Variants in PCDHGB1 observed in about 807,000 individuals in gnomAD.
PCDHGB1 encodes protocadherin gamma-B1.
A neutral mutation model predicts 56.6 loss-of-function variants in PCDHGB1; 34 were observed. The ratio of observed to expected loss-of-function variants is 0.60; its 90% CI spans 0.46 to 0.80. The LOEUF (loss-of-function observed/expected upper bound fraction) is 0.80, where lower values mean the gene tolerates loss of function less well. Ranked by LOEUF, PCDHGB1 falls within the 30% of genes least tolerant of loss-of-function variation. PCDHGB1 has a pLI of 0.00. For missense variants in PCDHGB1, 1,278 were observed against 1,204.6 expected, an observed-to-expected ratio of 1.06 and a Z score of -0.90; for synonymous variants, 561 against 505.9, an observed-to-expected ratio of 1.11 and a Z score of -1.46.
intron 1 of PCDHGB1, among the ~76,000 whole-genome samples, chr5:141,438,019 G>A (rs1031334687): frequency 1.3e-5 from 2 of 152,104 alleles, no homozygotes; most frequent in Non-Finnish European, 2.9e-5. Context: ...GAGATTACAG[G>A]TGTGAGCCAC....
rs1023591745 is a variant in PCDHGB1 at position 141,432,912 on chromosome 5, G to T, written c.2410-61895G>T. 2.5e-6 allele frequency: 4 copies of T among 1,614,160 alleles called. No individual in the cohort carries two copies. Among genetic ancestry groups the T allele is most frequent in the Non-Finnish European group, 3.4e-6 (4 of 1,180,012 alleles). On this transcript the variant is annotated intron_variant, in intron 1 of 3. Transcript: ENST00000523390. The surrounding 1 kb of genome is among the most constrained non-coding windows in gnomAD (Gnocchi z 6.0). Reference sequence around the variant, plus strand: ...TTGCTGCTGGCGCTCAGGCTGCGGCGCTGGCACAAGTCACGCCTGCTGCAG... The same window carrying T: ...TTGCTGCTGGCGCTCAGGCTGCGGCTCTGGCACAAGTCACGCCTGCTGCAG...
At chr5:141,376,032 GCCAGC>G in intron 1 of PCDHGB1, 1 of 1,613,116 alleles carries the variant, frequency 6.2e-7, no homozygotes, top group South Asian at 1.1e-5. Flanking sequence ...CAGGACCACG[GCCAGC>G]CCCCTCTCTC....
At chr5:141,460,034 C>T (rs1463167810) in intron 1 of PCDHGB1, among the ~76,000 whole-genome samples, 1 of 152,116 alleles carries the variant, frequency 6.6e-6, no homozygotes, top group African/African-American at 2.4e-5. Context: ...GCCGAGACTG[C>T]ACCACTGCAC....
chr5:141,364,326 A>G, intron 1 of PCDHGB1: 1 of 1,528,198 alleles, frequency 6.5e-7, no homozygotes, highest in Non-Finnish European at 8.8e-7. Context: ...GGCAGAGAGA[A>G]GGCAATGGCG....
At chr5:141,381,974 C>T (rs1049134937) in intron 1 of PCDHGB1, among the ~76,000 whole-genome samples, 18 of 151,606 alleles carry the variant, frequency 1.2e-4, no homozygotes, top group Admixed American at 5.9e-4. Flanking sequence ...GGATTACAGG[C>T]GCGCGCCACC....
At chr5:141,374,931 A>C in intron 1 of PCDHGB1, 1 of 1,614,022 alleles carries the variant, frequency 6.2e-7, no homozygotes, top group Non-Finnish European at 8.5e-7. Flanking sequence ...TCCTTTGTGA[A>C]GATTACAGAA....
At chr5:141,503,598 CAAAAAAA>C (rs765754054) in intron 2 of PCDHGB1, among the ~76,000 whole-genome samples, 8 of 65,766 alleles carry the variant, frequency 1.2e-4, no homozygotes, top group South Asian at 1.1e-3. Context: ...GACTCCAGCT[CAAAAAAA>C]AAAAAAAAAG....
Position 141,489,748 on chromosome 5 carries a change from T to G in PCDHGB1, c.2410-5059T>G. 6.2e-7 allele frequency: 1 copy of G among 1,614,156 alleles called. No homozygotes were observed. Among genetic ancestry groups the G allele is most frequent in the African/African-American group, 1.3e-5 (1 of 75,054 alleles). On this transcript the variant is annotated intron_variant, in intron 1 of 3. Transcript: ENST00000523390. This position sits in a 1 kb window ranked among gnomAD's most constrained non-coding sequence, Gnocchi z 4.5. ...TGTGGGCACCAATACTGTGAGCTTTTACACTCTAAGCCCCAACAGCCACTT... is the reference window on the plus strand; with the variant it reads ...TGTGGGCACCAATACTGTGAGCTTTGACACTCTAAGCCCCAACAGCCACTT...
chr5:141,408,201 C>T (rs1036342508), intron 1 of PCDHGB1: 4 of 1,548,914 alleles, frequency 2.6e-6, no homozygotes, highest in South Asian at 2.4e-5. Flanking sequence ...CCCGAGCGAA[C>T]GATGGGAGGG....
chr5:141,458,413 G>T lies in PCDHGB1; in HGVS notation c.2410-36394G>T, dbSNP rs138479316. On this transcript the variant is annotated intron_variant, in intron 1 of 3. Coordinates refer to ENST00000523390, the MANE Select transcript of PCDHGB1 (RefSeq NM_018922.3). ...TCCCCCTTGCAGAGACGGAGCGGGG[G>T]TTCCAAAGCTGAAAGAGGAGGTCCC... Among the ~76,000 whole-genome samples the T allele has an allele frequency of 9.0e-4, 137 of 152,196 alleles. 5 individuals carry two copies. The East Asian group carries it at 0.026, about 28-fold the overall frequency.
chr5:141,491,168 A>G lies in PCDHGB1; in HGVS notation c.2410-3639A>G. On this transcript the variant is annotated intron_variant, in intron 1 of 3. Coordinates refer to ENST00000523390, the MANE Select transcript of PCDHGB1 (RefSeq NM_018922.3). The surrounding 1 kb of genome is among the most constrained non-coding windows in gnomAD (Gnocchi z 6.9). Reference sequence around the variant, plus strand: ...CTGGAGGATGACTCTGACACCCAGCAGGTGGTGGTCCTGGTGAGGGACAAT... The same window carrying G: ...CTGGAGGATGACTCTGACACCCAGCGGGTGGTGGTCCTGGTGAGGGACAAT... 2 of 1,614,160 alleles carry G rather than the reference A, an allele frequency of 1.2e-6. No homozygotes were observed.
chr5:141,400,588 T>TC, intron 1 of PCDHGB1: 1 of 1,606,158 alleles, frequency 6.2e-7, no homozygotes, highest in South Asian at 1.1e-5. Flanking sequence ...TACATGAAAC[T>TC]ATCGTACATT....
rs757755103 is a variant in PCDHGB1 at position 141,432,638 on chromosome 5, C to A, written c.2410-62169C>A. On this transcript the variant is annotated intron_variant, in intron 1 of 3. Coordinates refer to ENST00000523390, the MANE Select transcript of PCDHGB1 (RefSeq NM_018922.3). The surrounding 1 kb of genome is among the most constrained non-coding windows in gnomAD (Gnocchi z 6.0). ...GGTGGGTCTGCACACGGGCGAGGTG[C>A]GCACGGCGCGAGCCCTGCTGGACAG... The A allele has an allele frequency of 6.2e-6, 10 of 1,613,810 alleles. No homozygotes were observed. Among genetic ancestry groups the A allele is most frequent in the African/African-American group, 1.3e-5 (1 of 75,064 alleles).
chr5:141,399,697 T>C, intron 1 of PCDHGB1: 1 of 1,613,436 alleles, frequency 6.2e-7, no homozygotes. Context: ...GCTGCGCACC[T>C]TCGAACTCAC....
chr5:141,375,790 A>T, intron 1 of PCDHGB1: 1 of 1,614,216 alleles, frequency 6.2e-7, no homozygotes. Context: ...CCCTCCCCAC[A>T]GACGGTTCCA....
chr5:141,404,043 C>G (rs781644500), intron 1 of PCDHGB1: 1 of 1,613,726 alleles, frequency 6.2e-7, no homozygotes, highest in African/African-American at 1.3e-5. Flanking sequence ...CCTCAGGGAA[C>G]AGTAATTCTT....
intron 1 of PCDHGB1, chr5:141,426,748 C>T: frequency 2.2e-6 from 1 of 455,172 alleles, no homozygotes; most frequent in African/African-American, 2.0e-5. Context: ...GGCCTGGAAT[C>T]TGCTATAGAT....
At chr5:141,374,689 G>T in intron 1 of PCDHGB1, 2 of 1,609,578 alleles carry the variant, frequency 1.2e-6, no homozygotes, top group East Asian at 4.5e-5. Flanking sequence ...CACTGGACCG[G>T]GAAGGAGAAG....
At chr5:141,465,757 T>C (rs2099108578) in intron 1 of PCDHGB1, among the ~76,000 whole-genome samples, 1 of 152,046 alleles carries the variant, frequency 6.6e-6, no homozygotes, top group South Asian at 2.1e-4. Context: ...ACTGGTAAAG[T>C]CATGTTTCAT....
Sources: allele counts gnomAD v4.1 joint callset (sites outside exome capture counted in the v4.1 genomes callset), GRCh38; gene constraint gnomAD v4.1.1; non-coding constraint Gnocchi (gnomAD v3.1); transcripts MANE v1.5; gene names NCBI Gene and HGNC (gene_info 2026-07-23, HGNC 2026-07-21).